Variants in RBFOX3 observed in about 807,000 individuals in gnomAD.
RBFOX3 encodes the protein RNA binding fox-1 homolog 3, also known as RNA binding protein fox-1 homolog 3.
RBFOX3 carries 17 observed loss-of-function variants against 48.7 expected under a neutral mutation model. The observed-to-expected ratio is 0.35, with a 90% confidence interval of 0.24 to 0.52. The LOEUF is 0.52. RBFOX3 is among the 20% of genes least tolerant of loss of function. The pLI is 0.94. For missense variants in RBFOX3, 382 were observed against 497.5 expected, an observed-to-expected ratio of 0.77 and a Z score of 2.21; for synonymous variants, 212 against 209.5, an observed-to-expected ratio of 1.01 and a Z score of -0.10.
intron 4 of RBFOX3, among the ~76,000 whole-genome samples, chr17:79,149,245 C>T (rs1323900536): frequency 6.6e-6 from 1 of 152,216 alleles, no homozygotes; most frequent in Admixed American, 6.5e-5. Context: ...GGTGGCAGGG[C>T]ATCCATCTGG....
chr17:79,563,590 T>C (rs1438703663), intron 1 of RBFOX3, among the ~76,000 whole-genome samples: 2 of 152,250 alleles, frequency 1.3e-5, no homozygotes, highest in Non-Finnish European at 2.9e-5. Context: ...AAAAGAGGTG[T>C]TACGTTGTTG....
At chr17:79,454,483 C>G (rs546751402) in intron 2 of RBFOX3, among the ~76,000 whole-genome samples, 2 of 152,094 alleles carry the variant, frequency 1.3e-5, no homozygotes, top group Non-Finnish European at 2.9e-5. Context: ...GCCGCTCCCC[C>G]ACCTTGCCCA....
chr17:79,093,850 TCCCCG>T (rs1215308007), intron 14 of RBFOX3, among the ~76,000 whole-genome samples: 2 of 136,936 alleles, frequency 1.5e-5, no homozygotes, highest in Non-Finnish European at 3.2e-5. Context: ...GCCGCGCACC[TCCCCG>T]CCCCGCCCCT....
rs138906732 is a variant in RBFOX3 at position 79,366,434 on chromosome 17, G to A, written c.-174-58610C>T. On this transcript the variant is annotated intron_variant, in intron 2 of 14. Transcript: ENST00000693108. The stretch of plus-strand genomic sequence containing the variant: ...GAATGGGTGGGATCTGGCAGCTAAC[G>A]CCTGCTCTAAAAGCGAGCTGTGATT... 6.6e-5 allele frequency among the ~76,000 whole-genome samples: 10 copies of A among 152,292 alleles called. No homozygotes were observed. In the East Asian group the frequency reaches 9.6e-4, roughly 15 times the overall value.
chr17:79,191,947 G>A (rs2054606221), intron 4 of RBFOX3, among the ~76,000 whole-genome samples: 1 of 152,168 alleles, frequency 6.6e-6, no homozygotes, highest in Admixed American at 6.5e-5. Context: ...CAGAGATGGG[G>A]CAGTGGATGC....
intron 2 of RBFOX3, among the ~76,000 whole-genome samples, chr17:79,451,224 A>G (rs2073432226): frequency 6.6e-6 from 1 of 152,216 alleles, no homozygotes; most frequent in Non-Finnish European, 1.5e-5. Context: ...TGAGTAGTAA[A>G]TGAGAAAAAA....
intron 4 of RBFOX3, among the ~76,000 whole-genome samples, chr17:79,211,554 G>A (rs1423265856): frequency 6.6e-6 from 1 of 152,210 alleles, no homozygotes; most frequent in Non-Finnish European, 1.5e-5. Context: ...TAGGGGCCGT[G>A]TCGCTGCTGC....
At chr17:79,094,375 C>G (rs1204787310) in intron 14 of RBFOX3, 76 bp downstream of exon 14, 1 of 1,109,540 alleles carries the variant, frequency 9.0e-7, no homozygotes, top group East Asian at 3.1e-5. Context: ...GGCTCGGCCT[C>G]TCCCCCAAGG....
chr17:79,487,270 G>A (rs2079756808), intron 1 of RBFOX3, among the ~76,000 whole-genome samples: 1 of 152,200 alleles, frequency 6.6e-6, no homozygotes, highest in Non-Finnish European at 1.5e-5. Flanking sequence ...TAGGATGGCA[G>A]GCCCTGGGCA....
intron 4 of RBFOX3, among the ~76,000 whole-genome samples, chr17:79,144,732 C>T (rs2042670706): frequency 6.6e-6 from 1 of 152,200 alleles, no homozygotes; most frequent in Non-Finnish European, 1.5e-5. Flanking sequence ...GTTTCTGTTT[C>T]CTAGTCCTAA....
At chr17:79,448,018 C>T (rs921096160) in intron 2 of RBFOX3, among the ~76,000 whole-genome samples, 2 of 152,196 alleles carry the variant, frequency 1.3e-5, no homozygotes, top group African/African-American at 4.8e-5. Flanking sequence ...CATGTGAAGA[C>T]GTGCCTGCTT....
chr17:79,186,243 A>G (rs2053368419), intron 4 of RBFOX3, among the ~76,000 whole-genome samples: 1 of 152,254 alleles, frequency 6.6e-6, no homozygotes, highest in Admixed American at 6.5e-5. Flanking sequence ...AGGACTGAGA[A>G]TAGCAGAATG....
rs373685907 is a variant in RBFOX3, at chr17:79,272,422, G to A, written c.-74+35302C>T. On this transcript the variant is annotated intron_variant, in intron 3 of 14. Transcript: ENST00000693108. ...TATCACTTAAAATCACAAGATAACG[G>A]GAATAACCATCAGCATTTTCTCTCC... 8.5e-5 allele frequency among the ~76,000 whole-genome samples: 13 copies of A among 152,188 alleles called. No homozygotes were observed. In the East Asian group the frequency reaches 1.2e-3, roughly 14 times the overall value.
the RBFOX3 span, among the ~76,000 whole-genome samples, chr17:79,660,546 G>A: frequency 1.3e-5 from 2 of 152,212 alleles, no homozygotes; most frequent in Non-Finnish European, 2.9e-5. Flanking sequence ...ATGAAAAAAA[G>A]CTCAACATCA....
chr17:79,393,645 C>T (rs1379990840), intron 2 of RBFOX3, among the ~76,000 whole-genome samples: 3 of 151,818 alleles, frequency 2.0e-5, no homozygotes, highest in Admixed American at 6.6e-5. Context: ...ACATCTGAGC[C>T]GGTCATCACA....
chr17:79,582,333 T>C (rs1259993854), intron 1 of RBFOX3, among the ~76,000 whole-genome samples: 1 of 152,204 alleles, frequency 6.6e-6, no homozygotes, highest in Non-Finnish European at 1.5e-5. Context: ...CCTGTGCCTG[T>C]CCCTACATGT....
chr17:79,372,159 C>T (rs1048613532), intron 2 of RBFOX3, among the ~76,000 whole-genome samples: 4 of 152,060 alleles, frequency 2.6e-5, no homozygotes, highest in Non-Finnish European at 5.9e-5. Context: ...GCTGTGAGGG[C>T]TCCTTCCCCA....
intron 2 of RBFOX3, among the ~76,000 whole-genome samples, chr17:79,419,865 G>T (rs77128641): frequency 6.6e-6 from 1 of 152,156 alleles, no homozygotes; most frequent in African/African-American, 2.4e-5. Context: ...GGTGGCTCAT[G>T]CCTGTAATCC....
In RBFOX3 at chr17:79,535,572, T is replaced by G. The variant is rs1470130665; in HGVS notation, c.-319-52974A>C. ...AAGGGGCCCGGCTACCCCTCAAAGT[T>G]TCCTGGGCTTGCAGGTCTGCTGCAT... is the stretch of plus-strand genomic sequence containing the variant. On this transcript the variant is annotated intron_variant, in intron 1 of 14. Coordinates refer to ENST00000693108, the MANE Select transcript of RBFOX3 (RefSeq NM_001350451.2). The surrounding 1 kb of genome is among the most constrained non-coding windows in gnomAD (Gnocchi z 4.5). 3.3e-5 allele frequency among the ~76,000 whole-genome samples: 5 copies of G among 152,176 alleles called. No homozygotes were observed. Among genetic ancestry groups the G allele is most frequent in the Non-Finnish European group, 7.4e-5 (5 of 68,026 alleles).
Sources: allele counts gnomAD v4.1 joint callset (sites outside exome capture counted in the v4.1 genomes callset), GRCh38; gene constraint gnomAD v4.1.1; non-coding constraint Gnocchi (gnomAD v3.1); transcripts MANE v1.5; gene names NCBI Gene and HGNC (gene_info 2026-07-23, HGNC 2026-07-21).